The following ZNF91 variants were observed in gnomAD, a reference collection of about 807,000 sequenced individuals.
ZNF91 encodes zinc finger protein 91.
ZNF91 carries 7 observed loss-of-function variants against 12.6 expected under a neutral mutation model. The observed-to-expected ratio is 0.55, with a 90% CI of 0.31 to 1.04. The LOEUF (loss-of-function observed/expected upper bound fraction) is 1.04. Among genes scored for constraint, ZNF91 ranks in the 50% least tolerant of loss-of-function variants. The pLI is 0.05. For synonymous variants in ZNF91, 453 were observed against 462.6 expected, an observed-to-expected ratio of 0.98 and a Z score of 0.27; for missense variants, 1,217 against 1,385.4, an observed-to-expected ratio of 0.88 and a Z score of 1.93.
In ZNF91 at chr19:23,359,404, T is replaced by C. The variant is rs1263304876; in HGVS notation, c.3575A>G (p.Ter1192=). Residue 1192 remains the stop codon, a stop_retained_variant, in exon 4 of 4, where the codon TAA becomes TGA. Transcript: ENST00000300619. ...CGCCCGGCTAATTTTTTGTATTTTT[T>C]AGTAGAGAAGGGGTTTCACTGTGTT... ...LANTVKPLLY[*] is the part of the protein sequence containing the mutation. 2 of 1,065,426 alleles carry C rather than the reference T, an allele frequency of 1.9e-6. No individual in the cohort carries two copies. Among genetic ancestry groups the C allele is most frequent in the Admixed American group, 4.8e-5 (2 of 41,630 alleles). 66.0% of individuals were successfully genotyped at this position (1,065,426 alleles called of 1,614,324 possible).
intron 2 of ZNF91, chr19:23,308,792 C>G (rs1461205679): frequency 6.6e-6 from 1 of 152,154 alleles, no homozygotes; most frequent in African/African-American, 2.4e-5. Flanking sequence ...CAAGGTGACT[C>G]TCTTTTCCTG....
In ZNF91 at chr19:23,317,626, G is replaced by A. The variant is rs909597687; in HGVS notation, n.117-8529C>T. 1.8e-4 allele frequency among the ~76,000 whole-genome samples: 28 copies of A among 152,088 alleles called. 1 individual carries two copies. The highest frequency in any genetic ancestry group is 6.3e-4 in the African/African-American group (26 of 41,410). On this transcript the variant is annotated intron_variant and non_coding_transcript_variant, in intron 1 of 1. Transcript: ENST00000596528. ...GATTGTCATACTGCCACGTGAACAC[G>A]GCCAACTTTTGAGGTTCTGAACGTC... is the stretch of plus-strand genomic sequence containing the variant.
At chr19:23,366,252 C>T (rs994295666) in intron 3 of ZNF91, among the ~76,000 whole-genome samples, 1 of 151,426 alleles carries the variant, frequency 6.6e-6, no homozygotes, top group East Asian at 2.0e-4. Flanking sequence ...GGGCTGACCC[C>T]CATACCTCCC....
intron 1 of ZNF91, among the ~76,000 whole-genome samples, chr19:23,376,614 G>A (rs1363130076): frequency 2.0e-5 from 3 of 151,924 alleles, no homozygotes; most frequent in Non-Finnish European, 4.4e-5. Flanking sequence ...GTCTCAAACT[G>A]CCAACCTCAG....
intron 3 of ZNF91, among the ~76,000 whole-genome samples, chr19:23,346,558 T>C (rs1968236709): frequency 6.6e-6 from 1 of 152,144 alleles, no homozygotes; most frequent in African/African-American, 2.4e-5. Flanking sequence ...CATGAGAAAG[T>C]ATACCAACGT....
chr19:23,352,634 T>C (rs972301921), intron 3 of ZNF91, among the ~76,000 whole-genome samples: 1 of 152,144 alleles, frequency 6.6e-6, no homozygotes, highest in Non-Finnish European at 1.5e-5. Flanking sequence ...TGAATGTAAA[T>C]GGCCTAAATA....
chr19:23,384,640 T>C (rs896159975), intron 1 of ZNF91: 6 of 687,712 alleles, frequency 8.7e-6, no homozygotes, highest in Non-Finnish European at 1.3e-5. Context: ...CTTGGAGGCT[T>C]TTGCCATACC....
At chr19:23,382,423 A>G (rs887412310) in intron 1 of ZNF91, among the ~76,000 whole-genome samples, 7 of 152,202 alleles carry the variant, frequency 4.6e-5, no homozygotes, top group African/African-American at 1.7e-4. Context: ...TTCAGACACA[A>G]TAATAGTGGG....
In ZNF91 at chr19:23,361,020, A is replaced by G; in HGVS notation, c.1959T>C (p.Thr653=). The G allele has an allele frequency of 6.2e-7, 1 of 1,603,452 alleles. No individual in the cohort carries two copies. The highest frequency in any genetic ancestry group is 1.1e-5 in the South Asian group (1 of 90,424). The stretch of plus-strand genomic sequence containing the variant: ...CTTTACATTTGTAGGGTTTCTCTCC[A>G]GTATGAATTCTCTTATGTTTAGCAA... ...SALAKHKRIH[T]GEKPYKCKEC... Residue 653 remains threonine (T), a synonymous_variant, in exon 4 of 4, where the codon ACT becomes ACC. Coordinates refer to ENST00000300619, the MANE Select transcript of ZNF91 (RefSeq NM_003430.4).
At chr19:23,383,305 A>T (rs914922016) in intron 1 of ZNF91, among the ~76,000 whole-genome samples, 1 of 152,244 alleles carries the variant, frequency 6.6e-6, no homozygotes, top group African/African-American at 2.4e-5. Context: ...TTTCATGTTA[A>T]AAATCCTCAA....
chr19:23,359,202 G>T lies in ZNF91; in HGVS notation c.*201C>A. 4.0e-6 allele frequency: 2 copies of T among 494,854 alleles called. No individual in the cohort carries two copies. The highest frequency in any genetic ancestry group is 7.4e-6 in the Non-Finnish European group (2 of 271,156). The allele number at this position is 494,854 out of a possible 1,614,324, so 30.7% of individuals were successfully genotyped here. On this transcript the variant is annotated 3_prime_UTR_variant, in exon 4 of 4. Transcript: ENST00000300619. ...ATTTGCCACATTCTTTATATTTGTA[G>T]GGTTTCTCTCTAGTATGAATTTTCT... is the stretch of plus-strand genomic sequence containing the variant.
At chr19:23,380,302 A>AAAAAAG (rs554607914) in intron 1 of ZNF91, 3 of 133,664 alleles carry the variant, frequency 2.2e-5, no homozygotes, top group African/African-American at 6.1e-5. Context: ...AAAAAAAAAA[A>AAAAAAG]GAGTGAAGCT....
At chr19:23,378,431 C>T (rs569021063) in intron 1 of ZNF91, among the ~76,000 whole-genome samples, 14 of 152,140 alleles carry the variant, frequency 9.2e-5, no homozygotes, top group Non-Finnish European at 1.9e-4. Flanking sequence ...TTTTTAGTTC[C>T]GTTTCTTTTT....
intron 3 of ZNF91, among the ~76,000 whole-genome samples, chr19:23,341,602 A>G (rs1409682832): frequency 6.6e-6 from 1 of 152,216 alleles, no homozygotes; most frequent in Non-Finnish European, 1.5e-5. Context: ...ACAAATATAT[A>G]CAAATGACCA....
At chr19:23,369,291 C>A (rs1192768124) in intron 3 of ZNF91, among the ~76,000 whole-genome samples, 1 of 151,332 alleles carries the variant, frequency 6.6e-6, no homozygotes, top group Non-Finnish European at 1.5e-5. Context: ...CCCTGGGCGA[C>A]AGAGCAAGAA....
chr19:23,340,119 T>C (rs540946962), intron 3 of ZNF91: 1 of 152,130 alleles, frequency 6.6e-6, no homozygotes, highest in Admixed American at 6.5e-5. Flanking sequence ...GGACCTGACA[T>C]CACATTTCAA....
downstream of ZNF91, chr19:23,337,744 T>A (rs1968043561): frequency 1.3e-5 from 2 of 151,906 alleles, no homozygotes; most frequent in African/African-American, 2.4e-5. Context: ...TGAAAACCAG[T>A]ACAAAAATAA....
intron 3 of ZNF91, among the ~76,000 whole-genome samples, chr19:23,368,573 T>G (rs1392118047): frequency 9.0e-6 from 1 of 111,102 alleles, no homozygotes; most frequent in Non-Finnish European, 2.0e-5. Flanking sequence ...TATATATATA[T>G]GAAACACATG....
Position 23,380,803 on chromosome 19 carries a change from T to TCTCTAATCTGCTGCC in ZNF91, c.31-6054_31-6040dup, listed in dbSNP as rs1969688749. On this transcript the variant is annotated intron_variant, in intron 1 of 3. Coordinates refer to ENST00000300619, the MANE Select transcript of ZNF91 (RefSeq NM_003430.4). ...GAAGATTTTTTTCTATCTCTGCTGC[T>TCTCTAATCTGCTGCC]CTCTAATCTGCTGCCCATTAAATGT... is the stretch of plus-strand genomic sequence containing the variant. The TCTCTAATCTGCTGCC allele has an allele frequency of 2.0e-5, 3 of 152,212 alleles. No individual in the cohort carries two copies. In the South Asian group the frequency reaches 6.2e-4, roughly 32 times the overall value. 9.4% of individuals were successfully genotyped at this position (152,212 alleles called of 1,614,324 possible).
Sources: gnomAD v4.1 joint callset for allele counts (sites outside exome capture counted in the v4.1 genomes callset) on GRCh38, gnomAD v4.1.1 for gene constraint, MANE v1.5 for transcripts, NCBI Gene and HGNC (gene_info 2026-07-23, HGNC 2026-07-21) for gene names.